Variants in SH3TC1 observed in about 807,000 individuals in gnomAD.
SH3TC1 encodes the protein SH3 domain and tetratricopeptide repeats 1.
SH3TC1 carries 135 observed loss-of-function variants against 117.3 expected under a neutral mutation model. That is an observed-to-expected ratio of 1.15 (90% confidence interval 1.00 to 1.33). The LOEUF (loss-of-function observed/expected upper bound fraction) is 1.33, where lower values mean the gene tolerates loss of function less well. Ranked by LOEUF, SH3TC1 falls within the 40% of genes most tolerant of loss-of-function variation. SH3TC1 has a pLI of 0.00. For missense variants in SH3TC1, 2,092 were observed against 1,794.3 expected, an observed-to-expected ratio of 1.17 and a Z score of -3.00; for synonymous variants, 898 against 816.9, an observed-to-expected ratio of 1.10 and a Z score of -1.69.
Position 8,205,083 on chromosome 4 carries a change from C to G in SH3TC1, c.-28-84C>G. 3 of 1,189,462 alleles carry G rather than the reference C, an allele frequency of 2.5e-6. No individual in the cohort carries two copies. Among genetic ancestry groups the G allele is most frequent in the Non-Finnish European group, 3.4e-6 (3 of 876,444 alleles). 73.7% of individuals were successfully genotyped at this position (1,189,462 alleles called of 1,614,324 possible). ...AGGCGCTCAGCAACGCTGGTGTTCT[C>G]TTTCTGGACCCCAGGCCTGGACACA... On this transcript the variant is annotated intron_variant, in intron 1 of 17. Transcript: ENST00000245105. This position sits in a 1 kb window ranked among gnomAD's most constrained non-coding sequence, Gnocchi z 5.4.
chr4:8,233,603 C>T, intron 14 of SH3TC1, 90 bp downstream of exon 14: 1 of 1,390,752 alleles, frequency 7.2e-7, no homozygotes, highest in Non-Finnish European at 9.6e-7. Flanking sequence ...GATGATCCTT[C>T]CATCATCTAT....
At position 8,189,956 on chromosome 4, in the gene SH3TC1, C is replaced by A. The variant is rs144819818; in HGVS notation, c.-57+7746C>A. On this transcript the variant is annotated intron_variant, in intron 1 of 16. Coordinates refer to the SH3TC1 transcript ENST00000508641. ...GCCCAGAGAGACATGGAAGAGGGAG[C>A]CGGGAAGGGACTGCTGGGCTTGGCC... 3.5e-3 allele frequency among the ~76,000 whole-genome samples: 528 copies of A among 152,232 alleles called. 4 individuals are homozygous for A. The highest frequency in any genetic ancestry group is 0.012 in the African/African-American group (497 of 41,530).
At chr4:8,214,421 C>A in intron 4 of SH3TC1, 54 bp from the exon 5 acceptor site, 3 of 1,533,590 alleles carry the variant, frequency 2.0e-6, no homozygotes, top group Non-Finnish European at 2.7e-6. Context: ...GTCCTCCTGA[C>A]AGATGCCCCA....
chr4:8,212,847 C>G lies in SH3TC1; in HGVS notation c.375+19C>G. ...GCTTGGGGTGAGTAGCCCTCTGGGGCCTGCTCAGGGATGGGAGCTGGAGTC... is the reference window on the plus strand; with the variant it reads ...GCTTGGGGTGAGTAGCCCTCTGGGGGCTGCTCAGGGATGGGAGCTGGAGTC... On this transcript the variant is annotated intron_variant, in intron 4 of 17. Coordinates refer to ENST00000245105, the MANE Select transcript of SH3TC1 (RefSeq NM_018986.5). The G allele has an allele frequency of 6.5e-7, 1 of 1,543,496 alleles. No individual in the cohort carries two copies. The highest frequency in any genetic ancestry group is 8.8e-7 in the Non-Finnish European group (1 of 1,142,612).
chr4:8,239,788 C>G (rs1185667957), intron 17 of SH3TC1, among the ~76,000 whole-genome samples: 3 of 152,236 alleles, frequency 2.0e-5, no homozygotes, highest in African/African-American at 7.2e-5. Context: ...CCCTGGCCAC[C>G]CTGTGTGATC....
At chr4:8,191,676 C>T (rs1678310) in intron 1 of SH3TC1, among the ~76,000 whole-genome samples, 140,552 of 152,138 alleles carry the variant, frequency 0.92, 65,705 homozygotes, top group East Asian at 1. Flanking sequence ...CACCCGTCCT[C>T]AAACTTGGGT....
intron 2 of SH3TC1, among the ~76,000 whole-genome samples, chr4:8,207,114 T>C (rs1249658158): frequency 6.6e-6 from 1 of 151,998 alleles, no homozygotes; most frequent in Non-Finnish European, 1.5e-5. Flanking sequence ...GGTCACACCT[T>C]GTGTTCTGAC....
intron 10 of SH3TC1, among the ~76,000 whole-genome samples, chr4:8,223,736 G>A (rs1432090664): frequency 1.3e-5 from 2 of 151,482 alleles, no homozygotes; most frequent in Non-Finnish European, 2.9e-5. Context: ...GGGTTCAAGC[G>A]ATTCTCGTGT....
Position 8,225,417 on chromosome 4 carries a change from C to T in SH3TC1, c.1285+201C>T, listed in dbSNP as rs1720372427. On this transcript the variant is annotated intron_variant, in intron 11 of 17. Coordinates refer to ENST00000245105, the MANE Select transcript of SH3TC1 (RefSeq NM_018986.5). The surrounding 1 kb of genome is among the most constrained non-coding windows in gnomAD (Gnocchi z 5.5). ...TGTGGCACTGGAGGCCGTGGGGTCC[C>T]GCACTTCTTCCAATGAACATGCTGG... Among the ~76,000 whole-genome samples the T allele has an allele frequency of 6.6e-6, 1 of 152,236 alleles. No individual in the cohort carries two copies. Among genetic ancestry groups the T allele is most frequent in the East Asian group, 1.9e-4 (1 of 5,170 alleles).
At chr4:8,215,052 T>C (rs1719120330) in intron 5 of SH3TC1, 1 of 438,598 alleles carries the variant, frequency 2.3e-6, no homozygotes, top group South Asian at 1.6e-5. Context: ...CACCTGGTGC[T>C]CAGGGAGAAA....
intron 14 of SH3TC1, among the ~76,000 whole-genome samples, chr4:8,234,862 A>G (rs1462625887): frequency 1.3e-5 from 2 of 152,248 alleles, no homozygotes; most frequent in Non-Finnish European, 2.9e-5. Context: ...CATGTGGCAA[A>G]TCTCCTTACA....
In SH3TC1 at chr4:8,190,027, G is replaced by C. The variant is rs571207661; in HGVS notation, c.-57+7817G>C. Among the ~76,000 whole-genome samples the C allele has an allele frequency of 6.6e-6, 1 of 152,180 alleles. No individual in the cohort carries two copies. Among genetic ancestry groups the C allele is most frequent in the Non-Finnish European group, 1.5e-5 (1 of 68,030 alleles). On this transcript the variant is annotated intron_variant, in intron 1 of 16. Coordinates refer to the SH3TC1 transcript ENST00000508641. The surrounding 1 kb of genome is among the most constrained non-coding windows in gnomAD (Gnocchi z 4.7). ...CTGTGCCTGGGTAGTTTTGGGGAGCGCGGCGTGGGTGCGTTGATGCGAGGC... is the reference window on the plus strand; with the variant it reads ...CTGTGCCTGGGTAGTTTTGGGGAGCCCGGCGTGGGTGCGTTGATGCGAGGC...
At position 8,210,652 on chromosome 4, in the gene SH3TC1, A is replaced by G. The variant is rs1718580503; in HGVS notation, c.247+830A>G. ...CTGGCGCATGCCTGTAATCCCAGCT[A>G]TTTGGGAGGCTGAGGCAGAAGAATC... On this transcript the variant is annotated intron_variant, in intron 3 of 17. Transcript: ENST00000245105. This position sits in a 1 kb window ranked among gnomAD's most constrained non-coding sequence, Gnocchi z 4.1. Among the ~76,000 whole-genome samples, 1 of 145,588 alleles carries G rather than the reference A, an allele frequency of 6.9e-6. No individual in the cohort carries two copies. Among genetic ancestry groups the G allele is most frequent in the African/African-American group, 2.5e-5 (1 of 39,500 alleles).
At chr4:8,188,884 G>A (rs1355889775) in intron 1 of SH3TC1, among the ~76,000 whole-genome samples, 2 of 152,232 alleles carry the variant, frequency 1.3e-5, no homozygotes, top group East Asian at 1.9e-4. Context: ...CTGTCTCTCC[G>A]GTGTCCCAGG....
chr4:8,230,015 G>C (rs1272825442), intron 12 of SH3TC1, among the ~76,000 whole-genome samples: 1 of 143,374 alleles, frequency 7.0e-6, no homozygotes, highest in Admixed American at 6.9e-5. Flanking sequence ...CGAGGAGACC[G>C]GGGGCCAGGG....
At chr4:8,222,758 A>T in intron 9 of SH3TC1, 82 bp from the exon 10 acceptor site, 1 of 1,540,196 alleles carries the variant, frequency 6.5e-7, no homozygotes, top group Non-Finnish European at 8.9e-7. Context: ...TGTCTGTCAA[A>T]TCAAGGAATG....
Position 8,193,161 on chromosome 4 carries a change from A to G in SH3TC1, c.-57+10951A>G, listed in dbSNP as rs560101095. Among the ~76,000 whole-genome samples the G allele has an allele frequency of 2.1e-4, 32 of 152,318 alleles. No individual in the cohort carries two copies. The East Asian group carries it at 4.4e-3, about 21-fold the overall frequency. On this transcript the variant is annotated intron_variant, in intron 1 of 16. Coordinates refer to the SH3TC1 transcript ENST00000508641. Reference sequence around the variant, plus strand: ...CGCATCCCCCGGCCCTACCCAGAGCACGTTTGCCTCCCCTCTTCTAGAACG... The same window carrying G: ...CGCATCCCCCGGCCCTACCCAGAGCGCGTTTGCCTCCCCTCTTCTAGAACG...
intron 4 of SH3TC1, among the ~76,000 whole-genome samples, chr4:8,214,163 G>A (rs368206636): frequency 2.0e-5 from 3 of 152,128 alleles, no homozygotes; most frequent in South Asian, 4.1e-4. Context: ...CGGGAGAAGC[G>A]GCGGTCACTG....
Position 8,232,056 on chromosome 4 carries a change from G to A in SH3TC1, c.3031G>A (p.Glu1011Lys). The change falls in exon 13 of 18, where the codon GAG becomes AAG. Residue 1011 changes from glutamate (E) to lysine (K), a missense_variant. Physicochemically the swap from Glu to Lys is moderately conservative, Grantham distance 56. Transcript: ENST00000245105. ...PSEAQCVIYH[E>K]LQLSLACKVA... ...CGAGGCCCAGTGTGTCATCTACCAT[G>A]AGCTCCAGCTCTCCCTGGCCTGCAA... The A allele has an allele frequency of 6.2e-7, 1 of 1,613,496 alleles. No homozygotes were observed. Among genetic ancestry groups the A allele is most frequent in the Admixed American group, 1.7e-5 (1 of 60,028 alleles).
Sources: gnomAD v4.1 joint callset for allele counts (sites outside exome capture counted in the v4.1 genomes callset) on GRCh38, gnomAD v4.1.1 for gene constraint, Gnocchi (gnomAD v3.1) non-coding constraint, MANE v1.5 for transcripts, NCBI Gene and HGNC (gene_info 2026-07-23, HGNC 2026-07-21) for gene names.